LEKR1: variants seen among roughly 807,000 people sequenced by gnomAD.
LEKR1 encodes the protein protein LEKR1.
LEKR1 carries 59 observed loss-of-function variants against 72.4 expected under a neutral mutation model. The observed-to-expected ratio is 0.82, with a 90% confidence interval of 0.66 to 1.01. LEKR1 has a LOEUF of 1.01. Among genes scored for constraint, LEKR1 ranks in the 50% least tolerant of loss-of-function variants. LEKR1 has a pLI of 0.00. For missense variants in LEKR1, 728 were observed against 759.2 expected, an observed-to-expected ratio of 0.96 and a Z score of 0.48; for synonymous variants, 257 against 263.2, an observed-to-expected ratio of 0.98 and a Z score of 0.23.
chr3:156,977,425 A>G, intron 6 of LEKR1: 1 of 504,524 alleles, frequency 2.0e-6, no homozygotes, highest in South Asian at 1.5e-5. Flanking sequence ...ATTATCCTGA[A>G]GAAATGTCAC....
intron 2 of LEKR1, among the ~76,000 whole-genome samples, chr3:156,829,782 A>G (rs535950891): frequency 6.6e-6 from 1 of 152,342 alleles, no homozygotes; most frequent in South Asian, 2.1e-4. Flanking sequence ...CTTGAACAAC[A>G]TGGAACTAAA....
intron 10 of LEKR1, among the ~76,000 whole-genome samples, chr3:157,023,118 T>C (rs1458584651): frequency 6.6e-6 from 1 of 151,862 alleles, no homozygotes; most frequent in Non-Finnish European, 1.5e-5. Flanking sequence ...GGTTGACCTC[T>C]TTCCCTGTCT....
At chr3:156,993,360 A>G (rs1731292963) in intron 9 of LEKR1, 83 bp downstream of exon 9, 3 of 828,962 alleles carry the variant, frequency 3.6e-6, no homozygotes, top group Non-Finnish European at 5.7e-6. Flanking sequence ...AGTGTCTGAC[A>G]TATTATAACA....
intron 3 of LEKR1, among the ~76,000 whole-genome samples, chr3:156,894,020 A>G (rs1395316193): frequency 6.6e-6 from 1 of 152,224 alleles, no homozygotes; most frequent in Non-Finnish European, 1.5e-5. Flanking sequence ...GGAGTTGGAA[A>G]GCAGTTTGAT....
chr3:156,889,876 A>G (rs1560055518), intron 3 of LEKR1, among the ~76,000 whole-genome samples: 1 of 152,250 alleles, frequency 6.6e-6, no homozygotes, highest in Non-Finnish European at 1.5e-5. Context: ...AAGGTAAAAA[A>G]TCAGAGCAAA....
rs377217733 is a variant in LEKR1, at chr3:157,027,551, C to T, written c.1369-552C>T. 1.6e-4 allele frequency among the ~76,000 whole-genome samples: 25 copies of T among 152,182 alleles called. No individual in the cohort carries two copies. The South Asian group carries it at 3.9e-3, about 24-fold the overall frequency. ...TGAGCTGAGGCTGGGCACAGTGGCT[C>T]ACAGCTGTAATCCCAGCACTTTGGG... is the stretch of plus-strand genomic sequence containing the variant. On this transcript the variant is annotated intron_variant, in intron 11 of 12. Transcript: ENST00000356539.
At chr3:156,854,512 C>A (rs374679697) in intron 3 of LEKR1, among the ~76,000 whole-genome samples, 19 of 151,082 alleles carry the variant, frequency 1.3e-4, no homozygotes, top group Admixed American at 5.9e-4. Context: ...ACCTTTATTA[C>A]AAATGTATTT....
At chr3:156,924,714 C>T (rs1023430323) in intron 4 of LEKR1, 2 of 413,386 alleles carry the variant, frequency 4.8e-6, no homozygotes, top group African/African-American at 4.1e-5. Context: ...CCAATTTTTC[C>T]TTATTGAATT....
chr3:156,829,154 C>G, intron 1 of LEKR1, 132 bp from the exon 2 acceptor site: 1 of 532,076 alleles, frequency 1.9e-6, no homozygotes, highest in South Asian at 2.6e-5. Flanking sequence ...TAACATTGAG[C>G]TGATGAAATA....
At chr3:157,020,123 T>G (rs537780268) in intron 10 of LEKR1, among the ~76,000 whole-genome samples, 1 of 152,088 alleles carries the variant, frequency 6.6e-6, no homozygotes, top group Non-Finnish European at 1.5e-5. Flanking sequence ...AAAGAATAGT[T>G]CAGGGGCAAC....
chr3:157,024,206 C>T (rs2321456), intron 10 of LEKR1, among the ~76,000 whole-genome samples: 7,836 of 152,216 alleles, frequency 0.051, 236 homozygotes, highest in African/African-American at 0.076. Context: ...AATCATAAGT[C>T]GAACCATTGC....
chr3:156,871,877 A>G (rs756532983), intron 3 of LEKR1, among the ~76,000 whole-genome samples: 3 of 151,774 alleles, frequency 2.0e-5, no homozygotes, highest in Admixed American at 1.3e-4. Flanking sequence ...TTCATCAGGG[A>G]TATTGGCTTA....
At chr3:156,848,842 T>G (rs1714957899) in intron 2 of LEKR1, among the ~76,000 whole-genome samples, 1 of 152,182 alleles carries the variant, frequency 6.6e-6, no homozygotes, top group South Asian at 2.1e-4. Context: ...GTAACTAAGG[T>G]AATAACCAAA....
chr3:157,002,557 A>G lies in LEKR1; in HGVS notation c.1110-8856A>G, dbSNP rs146956049. The stretch of plus-strand genomic sequence containing the variant: ...ACAATGAGTGCATATAACATCACGT[A>G]TAATTATTCTTTCTGCTTTATCCCA... On this transcript the variant is annotated intron_variant, in intron 9 of 12. Coordinates refer to ENST00000356539, the MANE Select transcript of LEKR1 (RefSeq NM_001004316.3). 5.7e-3 allele frequency among the ~76,000 whole-genome samples: 863 copies of G among 152,274 alleles called. 4 individuals carry two copies. Among genetic ancestry groups the G allele is most frequent in the African/African-American group, 0.02 (812 of 41,566 alleles).
intron 3 of LEKR1, among the ~76,000 whole-genome samples, chr3:156,895,911 A>G (rs1336770662): frequency 6.6e-6 from 1 of 152,228 alleles, no homozygotes; most frequent in Non-Finnish European, 1.5e-5. Flanking sequence ...ATGCACGCAT[A>G]TGTTCATTGC....
At chr3:156,921,386 C>G (rs536226512) in intron 4 of LEKR1, among the ~76,000 whole-genome samples, 1 of 152,122 alleles carries the variant, frequency 6.6e-6, no homozygotes, top group South Asian at 2.1e-4. Flanking sequence ...TGCTTTTTAT[C>G]TAAGAATTAT....
At position 156,920,590 on chromosome 3, in the gene LEKR1, C is replaced by A; in HGVS notation, c.279C>A (p.Gly93=). The change falls in exon 4 of 13, where the codon GGC becomes GGA. Residue 93 remains glycine (G), a synonymous_variant. Transcript: ENST00000356539. ...KSKTERIYDV[G]MQLKSQQNEF... ...ATATTTTTAGAATTTACGATGTAGG[C>A]ATGCAGTTAAAAAGTCAACAAAATG... The A allele has an allele frequency of 6.8e-7, 1 of 1,462,106 alleles. No homozygotes were observed. The highest frequency in any genetic ancestry group is 9.2e-7 in the Non-Finnish European group (1 of 1,088,464). 90.6% of individuals were successfully genotyped at this position (1,462,106 alleles called of 1,614,324 possible).
chr3:157,012,036 T>G (rs992123525), intron 10 of LEKR1, among the ~76,000 whole-genome samples: 1 of 152,112 alleles, frequency 6.6e-6, no homozygotes, highest in African/African-American at 2.4e-5. Context: ...GTCTTTGGAC[T>G]TTTTTATAGT....
intron 3 of LEKR1, among the ~76,000 whole-genome samples, chr3:156,895,329 A>G (rs566345897): frequency 6.1e-4 from 93 of 152,286 alleles, no homozygotes; most frequent in African/African-American, 2.1e-3. Flanking sequence ...CAAAACCACA[A>G]TGAGGCTGGT....
Sources: allele counts gnomAD v4.1 joint callset (sites outside exome capture counted in the v4.1 genomes callset), GRCh38; gene constraint gnomAD v4.1.1; transcripts MANE v1.5; gene names NCBI Gene and HGNC (gene_info 2026-07-23, HGNC 2026-07-21).